The following UBA3 variants were observed in gnomAD, a reference collection of about 807,000 sequenced individuals.
UBA3 encodes ubiquitin like modifier activating enzyme 3, also known as NEDD8-activating enzyme E1 catalytic subunit.
UBA3 carries 26 observed loss-of-function variants against 73.5 expected under a neutral mutation model. The observed-to-expected ratio is 0.35, with a 90% CI of 0.26 to 0.49. The LOEUF (loss-of-function observed/expected upper bound fraction) is 0.49. UBA3 is among the 20% of genes least tolerant of loss of function. UBA3 has a pLI of 0.98. For missense variants in UBA3, 495 were observed against 555.6 expected, an observed-to-expected ratio of 0.89 and a Z score of 1.10; for synonymous variants, 217 against 191.2, an observed-to-expected ratio of 1.13 and a Z score of -1.11.
chr3:69,071,357 G>T, intron 5 of UBA3, 178 bp downstream of exon 5: 1 of 495,832 alleles, frequency 2.0e-6, no homozygotes, highest in Non-Finnish European at 3.5e-6. Flanking sequence ...CTATCACCAA[G>T]ATGCCCAAAA....
chr3:69,064,139 G>C, intron 6 of UBA3, 28 bp from the exon 7 acceptor site: 1 of 1,569,204 alleles, frequency 6.4e-7, no homozygotes, highest in East Asian at 2.3e-5. Flanking sequence ...AACTTAAGCA[G>C]CTAAGTTTTA....
chr3:69,058,605 T>C (rs1015431117), intron 11 of UBA3, among the ~76,000 whole-genome samples: 1 of 152,184 alleles, frequency 6.6e-6, no homozygotes, highest in Non-Finnish European at 1.5e-5. Flanking sequence ...CTGAACCACA[T>C]GTAGCAGGAT....
intron 5 of UBA3, among the ~76,000 whole-genome samples, chr3:69,069,906 G>C (rs2092107650): frequency 6.6e-6 from 1 of 152,174 alleles, no homozygotes; most frequent in Non-Finnish European, 1.5e-5. Context: ...GGAACTGTTT[G>C]TTAATTTACC....
intron 14 of UBA3, 54 bp downstream of exon 14, chr3:69,056,558 A>G: frequency 6.9e-7 from 1 of 1,449,786 alleles, no homozygotes; most frequent in Non-Finnish European, 9.5e-7. Context: ...CTAACCAATA[A>G]TATTTAAAAA....
intron 2 of UBA3, chr3:69,079,872 G>A (rs1309679643): frequency 6.0e-6 from 3 of 499,066 alleles, no homozygotes; most frequent in East Asian, 7.1e-5. Context: ...CACCCCGGAG[G>A]GCCCCTGCAG....
intron 8 of UBA3, 76 bp downstream of exon 8, chr3:69,063,363 T>C (rs1382112745): frequency 1.4e-6 from 2 of 1,443,046 alleles, no homozygotes; most frequent in Non-Finnish European, 1.9e-6. Context: ...TTCAAAAATA[T>C]ATCAATTCTA....
intron 2 of UBA3, 74 bp from the exon 3 acceptor site, chr3:69,077,992 C>A: frequency 2.0e-6 from 3 of 1,531,752 alleles, no homozygotes; most frequent in Non-Finnish European, 1.8e-6. Flanking sequence ...TTATGGTATC[C>A]CCAAATGAAA....
At chr3:69,068,637 C>T (rs1388450409) in intron 5 of UBA3, among the ~76,000 whole-genome samples, 1 of 151,774 alleles carries the variant, frequency 6.6e-6, no homozygotes, top group Non-Finnish European at 1.5e-5. Flanking sequence ...GGCTGGAGTG[C>T]AGTGGTGCGA....
chr3:69,056,690 T>A lies in UBA3; in HGVS notation c.1005A>T (p.Ala335=), dbSNP rs1392280465. ...CCAAGTAATTATTCAAGGGAATGTA[T>A]GCACTGTAATGAAAAAATGTTCATC... is the stretch of plus-strand genomic sequence containing the variant. ...ATEVFKIATS[A]YIPLNNYLVF... The change falls in exon 14 of 18, where the codon GCA becomes GCT. Residue 335 remains alanine (A), a synonymous_variant. Coordinates refer to ENST00000361055, the MANE Select transcript of UBA3 (RefSeq NM_003968.4). 1.2e-6 allele frequency: 2 copies of A among 1,613,086 alleles called. No individual in the cohort carries two copies. The highest frequency in any genetic ancestry group is 1.7e-6 in the Non-Finnish European group (2 of 1,179,330).
Position 69,056,204 on chromosome 3 carries a change from T to C in UBA3, c.1163A>G (p.Tyr388Cys). The C allele has an allele frequency of 6.3e-7, 1 of 1,595,744 alleles. No individual in the cohort carries two copies. Among genetic ancestry groups the C allele is most frequent in the South Asian group, 1.2e-5 (1 of 86,310 alleles). Residue 388 changes from tyrosine to cysteine, a missense_variant, in exon 15 of 18, where the codon TAT becomes TGT. By Grantham distance (194) the Tyr-to-Cys change is radical (BLOSUM62 -2). Coordinates refer to ENST00000361055, the MANE Select transcript of UBA3 (RefSeq NM_003968.4). ...TTACAGAGAAGCACTATTGGTTAGATAATCCAAAACCTCCTGTAGTTTAGC... is the reference window on the plus strand; with the variant it reads ...TTACAGAGAAGCACTATTGGTTAGACAATCCAAAACCTCCTGTAGTTTAGC... ...PSAKLQEVLD[Y>C]LTNSASLQMK... is the part of the protein sequence containing the mutation.
intron 5 of UBA3, among the ~76,000 whole-genome samples, chr3:69,069,471 C>T (rs150731877): frequency 1.2e-4 from 18 of 152,222 alleles, no homozygotes; most frequent in African/African-American, 2.9e-4. Flanking sequence ...GGACTACGGG[C>T]ATGAGTCACT....
chr3:69,058,586 A>C (rs890998249), intron 11 of UBA3, among the ~76,000 whole-genome samples: 3 of 152,236 alleles, frequency 2.0e-5, no homozygotes, highest in African/African-American at 7.2e-5. Context: ...TTAAACTGGA[A>C]GCTCTCCACT....
intron 2 of UBA3, among the ~76,000 whole-genome samples, chr3:69,078,363 T>C (rs1299585150): frequency 1.3e-5 from 2 of 152,270 alleles, no homozygotes; most frequent in African/African-American, 4.8e-5. Flanking sequence ...GATGCTTATA[T>C]GTCTGATGCA....
chr3:69,062,898 C>T (rs2289245), intron 9 of UBA3, 84 bp downstream of exon 9: 701,601 of 1,493,652 alleles, frequency 0.47, 169,671 homozygotes, highest in East Asian at 0.85. Flanking sequence ...AATTAACAAT[C>T]CTAAATATTA....
intron 6 of UBA3, 47 bp downstream of exon 6, chr3:69,067,881 A>C: frequency 7.1e-7 from 1 of 1,408,810 alleles, no homozygotes; most frequent in Non-Finnish European, 1.0e-6. Flanking sequence ...TAATAAAGGA[A>C]AAAAGCTTTT....
chr3:69,061,692 G>T, intron 11 of UBA3, 122 bp downstream of exon 11: 1 of 576,518 alleles, frequency 1.7e-6, no homozygotes, highest in South Asian at 2.9e-5. Context: ...TGAATTACAT[G>T]GTACCTTTAC....
chr3:69,069,406 T>C (rs2092103485), intron 5 of UBA3, among the ~76,000 whole-genome samples: 1 of 152,152 alleles, frequency 6.6e-6, no homozygotes, highest in African/African-American at 2.4e-5. Context: ...CGGCTCACTA[T>C]AACCTCTGCC....
At chr3:69,071,945 A>T (rs1483630332) in intron 4 of UBA3, among the ~76,000 whole-genome samples, 1 of 152,220 alleles carries the variant, frequency 6.6e-6, no homozygotes, top group Non-Finnish European at 1.5e-5. Flanking sequence ...GGATACTTTA[A>T]TTTTACTATG....
At position 69,080,102 on chromosome 3, in the gene UBA3, C is replaced by G. The variant is rs1191337372; in HGVS notation, c.62+10G>C. 6.2e-7 allele frequency: 1 copy of G among 1,608,122 alleles called. No homozygotes were observed. Among genetic ancestry groups the G allele is most frequent in the Non-Finnish European group, 8.5e-7 (1 of 1,178,522 alleles). ...CCCGGAGAGGGCCCCGGCCTCCCGG[C>G]AGCACTAACTTCTCAGCCAGCAGCT... On this transcript the variant is annotated intron_variant, in intron 2 of 17. Transcript: ENST00000361055.
Sources: gnomAD v4.1 joint callset for allele counts (sites outside exome capture counted in the v4.1 genomes callset) on GRCh38, gnomAD v4.1.1 for gene constraint, MANE v1.5 for transcripts, NCBI Gene and HGNC (gene_info 2026-07-23, HGNC 2026-07-21) for gene names.